The following SRPK2 variants were observed in gnomAD, a reference collection of about 807,000 sequenced individuals.
The protein encoded by SRPK2 is SRSF protein kinase 2, also known as SFRS protein kinase 2.
Under a neutral mutation model 90.8 loss-of-function variants are expected in SRPK2, and 21 were observed. The ratio of observed to expected loss-of-function variants is 0.23; its 90% CI spans 0.16 to 0.33. The LOEUF is 0.33. Ranked by LOEUF, SRPK2 falls within the 10% of genes least tolerant of loss-of-function variation. The pLI is 1.00. For missense variants in SRPK2, 620 were observed against 869.0 expected (o/e 0.71, Z 3.60); for synonymous variants, 288 against 311.1 (o/e 0.93, Z 0.78).
chr7:105,244,544 C>G, intron 2 of SRPK2: 1 of 546,788 alleles, frequency 1.8e-6, no homozygotes, highest in Non-Finnish European at 3.3e-6. Context: ...ACTGCACTCC[C>G]GCCTGGGCGA....
intron 2 of SRPK2, chr7:105,301,642 C>T: frequency 6.2e-7 from 1 of 1,611,262 alleles, no homozygotes; most frequent in East Asian, 2.2e-5. Flanking sequence ...AAATGGTGAT[C>T]CCAAAGCCTT....
chr7:105,359,260 G>A (rs1284340755), intron 2 of SRPK2, among the ~76,000 whole-genome samples: 4 of 144,500 alleles, frequency 2.8e-5, no homozygotes, highest in African/African-American at 1.0e-4. Context: ...CCGGGTTCAA[G>A]CAATTCACCT....
chr7:105,369,083 C>A (rs1249387462), intron 2 of SRPK2, among the ~76,000 whole-genome samples: 1 of 147,492 alleles, frequency 6.8e-6, no homozygotes, highest in Non-Finnish European at 1.5e-5. Flanking sequence ...GTAGAGCCAC[C>A]TTTTCCGCTT....
chr7:105,170,782 C>T (rs6976791), intron 3 of SRPK2, among the ~76,000 whole-genome samples: 3 of 29,338 alleles, frequency 1.0e-4, no homozygotes, highest in South Asian at 1.5e-3. Context: ...GAAGGAAGGA[C>T]GGGAGGGAGG....
At chr7:105,179,825 A>AG (rs1491204712) in intron 3 of SRPK2, among the ~76,000 whole-genome samples, 332 of 6,602 alleles carry the variant, frequency 0.05, 10 homozygotes, top group East Asian at 0.47. Flanking sequence ...AGTCCATCTC[A>AG]AAAAAAAAAA....
intron 2 of SRPK2, among the ~76,000 whole-genome samples, chr7:105,283,630 T>C (rs1807638291): frequency 6.6e-6 from 1 of 152,026 alleles, no homozygotes; most frequent in African/African-American, 2.4e-5. Context: ...TGAGGAGTGT[T>C]TGCTAACACA....
chr7:105,274,499 T>C (rs889667181), intron 2 of SRPK2, among the ~76,000 whole-genome samples: 4 of 150,746 alleles, frequency 2.7e-5, no homozygotes, highest in African/African-American at 9.8e-5. Flanking sequence ...GAGCTGCAGG[T>C]TGCAGTGAGC....
chr7:105,170,681 G>T (rs569808533), intron 3 of SRPK2, among the ~76,000 whole-genome samples: 1 of 147,768 alleles, frequency 6.8e-6, no homozygotes, highest in East Asian at 2.0e-4. Flanking sequence ...GTTACAGAGT[G>T]AGACTCCACC....
intron 2 of SRPK2, among the ~76,000 whole-genome samples, chr7:105,274,969 C>A (rs1403652971): frequency 6.6e-6 from 1 of 151,938 alleles, no homozygotes; most frequent in Non-Finnish European, 1.5e-5. Context: ...CTCACTATAA[C>A]CTCCGCCTCC....
intron 2 of SRPK2, among the ~76,000 whole-genome samples, chr7:105,323,291 A>C (rs1813150531): frequency 6.6e-6 from 1 of 152,240 alleles, no homozygotes; most frequent in Non-Finnish European, 1.5e-5. Context: ...AAAAGTATAC[A>C]CTAAAACTTC....
rs59166573 is a variant in SRPK2 at position 105,278,380 on chromosome 7, T to C, written c.72-74595A>G. 3.4e-3 allele frequency among the ~76,000 whole-genome samples: 509 copies of C among 149,084 alleles called. 1 individual carries two copies. Among genetic ancestry groups the C allele is most frequent in the African/African-American group, 0.012 (469 of 40,516 alleles). On this transcript the variant is annotated intron_variant, in intron 2 of 15. Coordinates refer to ENST00000393651, the MANE Select transcript of SRPK2 (RefSeq NM_182692.3). ...ATACATAACAAAGCCCTTAAACAATTTGCAAAAATGAGGCTGGGCGCAGTG... is the reference window on the plus strand; with the variant it reads ...ATACATAACAAAGCCCTTAAACAATCTGCAAAAATGAGGCTGGGCGCAGTG...
At chr7:105,375,858 A>G (rs927876511) in intron 2 of SRPK2, among the ~76,000 whole-genome samples, 1 of 152,064 alleles carries the variant, frequency 6.6e-6, no homozygotes, top group Non-Finnish European at 1.5e-5. Flanking sequence ...ATTTTAAAAC[A>G]TGCAACTTAT....
chr7:105,148,429 T>C (rs1249543960), intron 7 of SRPK2, among the ~76,000 whole-genome samples: 1 of 152,260 alleles, frequency 6.6e-6, no homozygotes, highest in Non-Finnish European at 1.5e-5. Flanking sequence ...ACAAGGTCAG[T>C]GTTTTTCTAT....
intron 11 of SRPK2, among the ~76,000 whole-genome samples, chr7:105,138,000 C>CA (rs766216925): frequency 8.5e-5 from 13 of 152,180 alleles, no homozygotes; most frequent in Non-Finnish European, 1.9e-4. Flanking sequence ...TGCTTCCAAA[C>CA]AAAGGAGATC....
At chr7:105,233,082 AG>A (rs550831333) in intron 2 of SRPK2, among the ~76,000 whole-genome samples, 8 of 123,150 alleles carry the variant, frequency 6.5e-5, no homozygotes, top group Non-Finnish European at 1.4e-4. Flanking sequence ...AAGGAAGGAA[AG>A]GAAGGAAAGA....
intron 3 of SRPK2, among the ~76,000 whole-genome samples, chr7:105,202,720 CACAATGGCAG>C (rs1225293019): frequency 1.3e-5 from 2 of 152,228 alleles, no homozygotes; most frequent in Non-Finnish European, 2.9e-5. Flanking sequence ...CACTATGTCA[CACAATGGCAG>C]AACCCCACAG....
chr7:105,270,489 C>A (rs1277751724), intron 2 of SRPK2, among the ~76,000 whole-genome samples: 1 of 151,494 alleles, frequency 6.6e-6, no homozygotes, highest in African/African-American at 2.4e-5. Flanking sequence ...CTCACTGCAA[C>A]CTCCGCCTCC....
chr7:105,148,477 C>T (rs1804999008), intron 7 of SRPK2, among the ~76,000 whole-genome samples: 1 of 152,114 alleles, frequency 6.6e-6, no homozygotes, highest in Admixed American at 6.5e-5. Flanking sequence ...TCAATTATTT[C>T]CATAAACAAA....
At chr7:105,346,478 A>G (rs1466989575) in intron 2 of SRPK2, among the ~76,000 whole-genome samples, 1 of 152,098 alleles carries the variant, frequency 6.6e-6, no homozygotes, top group Non-Finnish European at 1.5e-5. Flanking sequence ...ACACAAGGCC[A>G]GGTGCAGTGG....
Sources: gnomAD v4.1 joint callset for allele counts (sites outside exome capture counted in the v4.1 genomes callset) on GRCh38, gnomAD v4.1.1 for gene constraint, MANE v1.5 for transcripts, NCBI Gene and HGNC (gene_info 2026-07-23, HGNC 2026-07-21) for gene names.